Variants in AGL observed in about 807,000 individuals in gnomAD.
The protein encoded by AGL is amylo-alpha-1,6-glucosidase and 4-alpha-glucanotransferase.
AGL carries 128 observed loss-of-function variants against 199.3 expected under a neutral mutation model. The observed-to-expected ratio is 0.64, with a 90% CI of 0.56 to 0.74. The LOEUF (loss-of-function observed/expected upper bound fraction) is 0.74. Ranked by LOEUF, AGL falls within the 30% of genes least tolerant of loss-of-function variation. AGL has a pLI of 0.00. For missense variants in AGL, 1,809 were observed against 1,820.8 expected (o/e 0.99, Z 0.12); for synonymous variants, 584 against 594.7 (o/e 0.98, Z 0.26).
intron 17 of AGL, among the ~76,000 whole-genome samples, chr1:99,882,863 A>C (rs1339744970): frequency 6.6e-6 from 1 of 152,190 alleles, no homozygotes; most frequent in Non-Finnish European, 1.5e-5. Context: ...GAATATGCAT[A>C]GTTCCGGTTT....
At chr1:99,868,760 T>C (rs1281447033) in intron 5 of AGL, among the ~76,000 whole-genome samples, 1 of 151,800 alleles carries the variant, frequency 6.6e-6, no homozygotes, top group Non-Finnish European at 1.5e-5. Context: ...CCTGCACTCC[T>C]GGGTGATGGA....
intron 3 of AGL, 104 bp downstream of exon 3, chr1:99,861,817 T>G (rs1650063990): frequency 1.6e-6 from 2 of 1,288,344 alleles, no homozygotes; most frequent in Admixed American, 3.4e-5. Context: ...AGTGCAATTT[T>G]TATAGTGCTT....
At chr1:99,890,187 A>C (rs1652768280) in intron 21 of AGL, among the ~76,000 whole-genome samples, 1 of 152,148 alleles carries the variant, frequency 6.6e-6, no homozygotes, top group Non-Finnish European at 1.5e-5. Flanking sequence ...AAACCAACTA[A>C]CCAATTTTCC....
At chr1:99,902,442 G>C in intron 26 of AGL, among the ~76,000 whole-genome samples, 1 of 152,162 alleles carries the variant, frequency 6.6e-6, no homozygotes, top group East Asian at 1.9e-4. Context: ...TTGTTTTTGT[G>C]TATCAGCAGA....
In AGL at chr1:99,880,842, A is replaced by G. The variant is rs562406447; in HGVS notation, c.1899+47A>G. ...TGTACTTATTTTGCTAAATGCTTTG[A>G]TATTTAACTCTCTGACACTTGGTCA... On this transcript the variant is annotated intron_variant, in intron 14 of 33. Coordinates refer to ENST00000361915, the MANE Select transcript of AGL (RefSeq NM_000642.3). 2.5e-5 allele frequency: 40 copies of G among 1,593,152 alleles called. No individual in the cohort carries two copies. The South Asian group carries it at 4.0e-4, about 16-fold the overall frequency.
Position 99,880,032 on chromosome 1 carries a change from G to C in AGL, c.1721G>C (p.Ser574Thr). ...GTCTTTGTTACTAGACTGGGCATTA[G>C]TTCCTTAATAAGAGGTAGGCTTGTT... ...DNVFVTRLGI[S>T]SLIREAMSAY... Residue 574 changes from serine (S) to threonine (T), a missense_variant, in exon 13 of 34, where the codon AGT (serine) becomes ACT (threonine). Transcript: ENST00000361915. 1.2e-6 allele frequency: 2 copies of C among 1,613,498 alleles called. No individual in the cohort carries two copies. The highest frequency in any genetic ancestry group is 8.5e-7 in the Non-Finnish European group (1 of 1,179,586).
intron 25 of AGL, among the ~76,000 whole-genome samples, chr1:99,898,904 C>T (rs1653562319): frequency 6.6e-6 from 1 of 152,126 alleles, no homozygotes; most frequent in African/African-American, 2.4e-5. Flanking sequence ...AATCATGAAT[C>T]AGAAGTCGTT....
At chr1:99,884,033 A>G (rs1652248776) in intron 17 of AGL, 87 bp from the exon 18 acceptor site, 5 of 1,119,664 alleles carry the variant, frequency 4.5e-6, no homozygotes, top group Non-Finnish European at 6.7e-6. Context: ...TTCAACTTTA[A>G]GTTAAATGAT....
At chr1:99,888,591 A>G (rs1421481632) in intron 21 of AGL, among the ~76,000 whole-genome samples, 1 of 152,166 alleles carries the variant, frequency 6.6e-6, no homozygotes, top group Non-Finnish European at 1.5e-5. Context: ...AATTGGAAAT[A>G]TATTTTATTG....
intron 27 of AGL, among the ~76,000 whole-genome samples, chr1:99,908,629 T>C (rs1291819021): frequency 6.6e-6 from 1 of 152,200 alleles, no homozygotes; most frequent in East Asian, 1.9e-4. Flanking sequence ...ACCTCAGTGT[T>C]GTCACCTGTT....
At chr1:99,919,259 A>G (rs1655348973) in intron 33 of AGL, among the ~76,000 whole-genome samples, 1 of 152,144 alleles carries the variant, frequency 6.6e-6, no homozygotes, top group Admixed American at 6.6e-5. Flanking sequence ...TTTGTTTCTC[A>G]TCCTTCAAGG....
chr1:99,868,439 C>G (rs1296881397), intron 5 of AGL, among the ~76,000 whole-genome samples: 1 of 152,048 alleles, frequency 6.6e-6, no homozygotes, highest in Non-Finnish European at 1.5e-5. Context: ...TGGTGAAACC[C>G]CATCTCTACT....
intron 33 of AGL, among the ~76,000 whole-genome samples, chr1:99,920,323 T>A (rs1655429079): frequency 6.6e-6 from 1 of 152,196 alleles, no homozygotes; most frequent in South Asian, 2.1e-4. Context: ...CAGCCCTGTC[T>A]CCTAGCTGCT....
intron 31 of AGL, 84 bp from the exon 32 acceptor site, chr1:99,916,326 A>T: frequency 9.5e-7 from 1 of 1,047,186 alleles, no homozygotes; most frequent in Non-Finnish European, 1.4e-6. Flanking sequence ...TATTTCTCTT[A>T]CCTTTGTTAT....
intron 17 of AGL, among the ~76,000 whole-genome samples, chr1:99,883,177 G>GT (rs1652188989): frequency 6.6e-6 from 1 of 151,982 alleles, no homozygotes; most frequent in Admixed American, 6.6e-5. Context: ...AAGGATAATT[G>GT]TTTTTTCTTT....
chr1:99,918,116 A>G (rs1177856326), intron 33 of AGL, among the ~76,000 whole-genome samples: 1 of 152,084 alleles, frequency 6.6e-6, no homozygotes, highest in Non-Finnish European at 1.5e-5. Context: ...ATAAGTGTAA[A>G]ACATCTGTGT....
rs2101131895 is a variant in AGL at position 99,876,453 on chromosome 1, C to T, written c.1284-5C>T. On this transcript the variant is annotated splice_polypyrimidine_tract_variant and splice_region_variant and intron_variant, in intron 10 of 33. Coordinates refer to ENST00000361915, the MANE Select transcript of AGL (RefSeq NM_000642.3). ...TGGATTTAATATTTAATTATATTTT[C>T]ATAGGTATTTTACTTTCCCATTTGA... 1 of 1,563,626 alleles carries T rather than the reference C, an allele frequency of 6.4e-7. No individual in the cohort carries two copies. The highest frequency in any genetic ancestry group is 8.8e-7 in the Non-Finnish European group (1 of 1,140,840).
intron 2 of AGL, among the ~76,000 whole-genome samples, chr1:99,856,549 G>A (rs1298977150): frequency 6.6e-6 from 1 of 152,012 alleles, no homozygotes; most frequent in Non-Finnish European, 1.5e-5. Context: ...AGATAAACAA[G>A]TGAACAGAGG....
Position 99,851,092 on chromosome 1 carries a change from A to G in AGL, c.50A>G (p.Lys17Arg). The G allele has an allele frequency of 1.2e-6, 2 of 1,614,150 alleles. No individual in the cohort carries two copies. ...IRILLLNEME[K>R]LEKTLFRLEQ... ...ATTTTACTTCTGAACGAAATGGAGA[A>G]ACTGGAAAAGACCCTCTTCAGACTT... The change falls in exon 2 of 34, where the codon AAA becomes AGA. Residue 17 changes from lysine to arginine, a missense_variant. Physicochemically the swap from Lys to Arg is conservative, Grantham distance 26. Coordinates refer to ENST00000361915, the MANE Select transcript of AGL (RefSeq NM_000642.3).
Sources: gnomAD v4.1 joint callset for allele counts (sites outside exome capture counted in the v4.1 genomes callset) on GRCh38, gnomAD v4.1.1 for gene constraint, MANE v1.5 for transcripts, NCBI Gene and HGNC (gene_info 2026-07-23, HGNC 2026-07-21) for gene names.